FAM241A: variants seen among roughly 807,000 people sequenced by gnomAD.
The protein encoded by FAM241A is uncharacterized protein FAM241A.
FAM241A carries 7 observed loss-of-function variants against 12.2 expected under a neutral mutation model. The observed-to-expected ratio is 0.58, with a 90% CI of 0.33 to 1.08. FAM241A has a LOEUF of 1.08. FAM241A is among the 50% of genes least tolerant of loss of function. The pLI, the probability that FAM241A is intolerant of heterozygous loss-of-function variation, is 0.04. For missense variants in FAM241A, 161 were observed against 169.7 expected, an observed-to-expected ratio of 0.95 and a Z score of 0.29; for synonymous variants, 74 against 68.2, an observed-to-expected ratio of 1.08 and a Z score of -0.42.
At chr4:112,183,187 A>G (rs1049578931) in intron 1 of FAM241A, among the ~76,000 whole-genome samples, 1 of 152,040 alleles carries the variant, frequency 6.6e-6, no homozygotes, top group Non-Finnish European at 1.5e-5. Context: ...GTATTTCAGT[A>G]AGGTGGCAAA....
At chr4:112,152,453 A>C (rs995076954) in intron 1 of FAM241A, among the ~76,000 whole-genome samples, 2 of 152,212 alleles carry the variant, frequency 1.3e-5, no homozygotes, top group Non-Finnish European at 2.9e-5. Context: ...TAGATATTCC[A>C]ATAGATAGGT....
At position 112,192,862 on chromosome 4, in the gene FAM241A, A is replaced by G. The variant is rs908883784; in HGVS notation, c.*5924A>G. 33 of 152,044 alleles carry G rather than the reference A, an allele frequency of 2.2e-4. No homozygotes were observed. Among genetic ancestry groups the G allele is most frequent in the African/African-American group, 8.0e-4 (33 of 41,392 alleles). The allele number at this position is 152,044 out of a possible 1,614,324, so 9.4% of individuals were successfully genotyped here. A position where few individuals can be genotyped will look rare whatever the true frequency, so the allele number is the denominator to read the frequency against. ...TTTATAGTCCTTTGAGTATATACCC[A>G]GTAATGGGATGGCTGGGTCAAATGG... is the stretch of plus-strand genomic sequence containing the variant. On this transcript the variant is annotated 3_prime_UTR_variant, in exon 2 of 2. Transcript: ENST00000309733.
chr4:112,161,608 G>T (rs938019206), intron 1 of FAM241A, among the ~76,000 whole-genome samples: 1 of 151,952 alleles, frequency 6.6e-6, no homozygotes, highest in Non-Finnish European at 1.5e-5. Context: ...AGACTAAACC[G>T]GGAAGAATTT....
intron 1 of FAM241A, among the ~76,000 whole-genome samples, chr4:112,148,514 T>C (rs1723184377): frequency 6.6e-6 from 1 of 152,170 alleles, no homozygotes; most frequent in Admixed American, 6.5e-5. Context: ...GTAGGGCGAT[T>C]GACAAAGGAT....
intron 1 of FAM241A, among the ~76,000 whole-genome samples, chr4:112,179,396 A>C (rs1469321041): frequency 6.6e-6 from 1 of 152,170 alleles, no homozygotes; most frequent in Non-Finnish European, 1.5e-5. Context: ...TGATGAGTTC[A>C]TGTGCTTTGT....
chr4:112,177,466 A>G (rs1320252554), intron 1 of FAM241A, among the ~76,000 whole-genome samples: 1 of 152,162 alleles, frequency 6.6e-6, no homozygotes, highest in Non-Finnish European at 1.5e-5. Flanking sequence ...TTCACATCAT[A>G]GATCTTTCAA....
At chr4:112,178,811 T>G (rs1723871885) in intron 1 of FAM241A, among the ~76,000 whole-genome samples, 1 of 151,972 alleles carries the variant, frequency 6.6e-6, no homozygotes, top group Admixed American at 6.6e-5. Flanking sequence ...TAACACGATT[T>G]TTAAAAGGAC....
At chr4:112,185,094 C>T (rs897408185) in intron 1 of FAM241A, among the ~76,000 whole-genome samples, 15 of 152,048 alleles carry the variant, frequency 9.9e-5, no homozygotes, top group South Asian at 2.1e-4. Context: ...GCTTTTTAAA[C>T]GTATAATAAA....
intron 1 of FAM241A, among the ~76,000 whole-genome samples, chr4:112,156,815 T>G (rs1723362692): frequency 6.6e-6 from 1 of 152,214 alleles, no homozygotes; most frequent in African/African-American, 2.4e-5. Flanking sequence ...TGTAAAATTG[T>G]AGGCAAGGAT....
intron 1 of FAM241A, among the ~76,000 whole-genome samples, chr4:112,165,236 C>T (rs1723570116): frequency 6.6e-6 from 1 of 152,098 alleles, no homozygotes; most frequent in South Asian, 2.1e-4. Context: ...TGTCTTTTAT[C>T]CAAAAGACAG....
Position 112,145,467 on chromosome 4 carries a change from C to G in FAM241A, c.-114C>G. The G allele has an allele frequency of 9.3e-7, 1 of 1,074,802 alleles. No individual in the cohort carries two copies. The highest frequency in any genetic ancestry group is 1.2e-6 in the Non-Finnish European group (1 of 859,074). The allele number at this position is 1,074,802 out of a possible 1,614,324, so 66.6% of individuals were successfully genotyped here. ...CCGGCGGGGCGCGCTCCGGCGGCTC[C>G]TGTCAGCGGCGGGTGCGGCGGATCC... On this transcript the variant is annotated 5_prime_UTR_variant, in exon 1 of 2. Transcript: ENST00000309733.
intron 1 of FAM241A, among the ~76,000 whole-genome samples, chr4:112,168,781 C>A (rs1024572658): frequency 3.3e-5 from 5 of 152,162 alleles, no homozygotes; most frequent in African/African-American, 1.2e-4. Flanking sequence ...TCTCCCACCT[C>A]AGCCTTCCAA....
At chr4:112,149,964 G>T (rs1723213180) in intron 1 of FAM241A, among the ~76,000 whole-genome samples, 1 of 151,326 alleles carries the variant, frequency 6.6e-6, no homozygotes, top group Non-Finnish European at 1.5e-5. Context: ...GAATTTTTTT[G>T]GTAATTTCGT....
intron 1 of FAM241A, among the ~76,000 whole-genome samples, chr4:112,151,654 A>G (rs1723246813): frequency 6.6e-6 from 1 of 152,198 alleles, no homozygotes; most frequent in African/African-American, 2.4e-5. Flanking sequence ...TACTGTATTC[A>G]CCACACTTGC....
chr4:112,171,807 C>T (rs970290593), intron 1 of FAM241A, among the ~76,000 whole-genome samples: 3 of 151,794 alleles, frequency 2.0e-5, no homozygotes, highest in African/African-American at 7.3e-5. Flanking sequence ...TGCAGTGAGC[C>T]GAGATCGCGC....
intron 1 of FAM241A, among the ~76,000 whole-genome samples, chr4:112,169,090 T>G (rs987374347): frequency 3.3e-5 from 5 of 152,190 alleles, no homozygotes; most frequent in Admixed American, 2.0e-4. Flanking sequence ...AGGTACAAAC[T>G]TAAAACTCCT....
chr4:112,176,026 AACTC>A (rs1464934363), intron 1 of FAM241A, among the ~76,000 whole-genome samples: 1 of 152,210 alleles, frequency 6.6e-6, no homozygotes, highest in Non-Finnish European at 1.5e-5. Context: ...TTAAATCGTC[AACTC>A]ACTCAGCAAA....
intron 1 of FAM241A, among the ~76,000 whole-genome samples, chr4:112,151,646 C>T (rs1723246687): frequency 6.6e-6 from 1 of 152,192 alleles, no homozygotes; most frequent in Admixed American, 6.5e-5. Flanking sequence ...AGTCAATATA[C>T]TGTATTCACC....
Position 112,187,195 on chromosome 4 carries a change from C to T in FAM241A, c.*257C>T. ...CTGTGATCTCTGTCTCCTTTATACA[C>T]CTCTATCCCCATGCCAAATCTTAAG... is the stretch of plus-strand genomic sequence containing the variant. On this transcript the variant is annotated 3_prime_UTR_variant, in exon 2 of 2. Transcript: ENST00000309733. 1 of 358,646 alleles carries T rather than the reference C, an allele frequency of 2.8e-6. No homozygotes were observed. The highest frequency in any genetic ancestry group is 5.9e-5 in the South Asian group (1 of 17,044). 22.2% of individuals were successfully genotyped at this position (358,646 alleles called of 1,614,324 possible). A position where few individuals can be genotyped will look rare whatever the true frequency, so the allele number is the denominator to read the frequency against.
Sources: gnomAD v4.1 joint callset for allele counts (sites outside exome capture counted in the v4.1 genomes callset) on GRCh38, gnomAD v4.1.1 for gene constraint, MANE v1.5 for transcripts, NCBI Gene and HGNC (gene_info 2026-07-23, HGNC 2026-07-21) for gene names.